ARHGAP20: variants seen among roughly 807,000 people sequenced by gnomAD.
ARHGAP20 encodes rho GTPase-activating protein 20.
A neutral mutation model predicts 73.7 loss-of-function variants in ARHGAP20; 34 were observed. The observed-to-expected ratio is 0.46, with a 90% CI of 0.35 to 0.61. ARHGAP20 has a LOEUF of 0.61. Among genes scored for constraint, ARHGAP20 ranks in the 20% least tolerant of loss-of-function variants. ARHGAP20 has a pLI of 0.00. For missense variants in ARHGAP20, 1,314 were observed against 1,420.9 expected (o/e 0.92, Z 1.21); for synonymous variants, 523 against 518.2 (o/e 1.01, Z -0.13).
chr11:110,673,389 A>G (rs1949868196), intron 2 of ARHGAP20, among the ~76,000 whole-genome samples: 1 of 152,170 alleles, frequency 6.6e-6, no homozygotes, highest in South Asian at 2.1e-4. Context: ...ACTCATAAAA[A>G]CTTAGCTACA....
chr11:110,687,385 A>G (rs1480888530), intron 2 of ARHGAP20, among the ~76,000 whole-genome samples: 4 of 152,100 alleles, frequency 2.6e-5, no homozygotes, highest in African/African-American at 9.7e-5. Context: ...TTGAAACAAA[A>G]CTCATCATAT....
At chr11:110,613,326 C>A (rs1591315577) in intron 6 of ARHGAP20, among the ~76,000 whole-genome samples, 2 of 152,322 alleles carry the variant, frequency 1.3e-5, no homozygotes, top group Admixed American at 6.5e-5. Context: ...GCTTCCCACA[C>A]ATGCACTCCT....
intron 8 of ARHGAP20, among the ~76,000 whole-genome samples, chr11:110,607,242 G>A (rs988136455): frequency 1.3e-5 from 2 of 152,058 alleles, no homozygotes; most frequent in Non-Finnish European, 2.9e-5. Context: ...CAAGATGTTT[G>A]CCTAAAAACA....
chr11:110,636,326 T>G (rs1368061316), intron 2 of ARHGAP20, among the ~76,000 whole-genome samples: 1 of 152,144 alleles, frequency 6.6e-6, no homozygotes, highest in African/African-American at 2.4e-5. Flanking sequence ...AAACAATACT[T>G]CCAAAACATT....
chr11:110,654,025 G>C (rs1949414482), intron 2 of ARHGAP20, among the ~76,000 whole-genome samples: 1 of 152,084 alleles, frequency 6.6e-6, no homozygotes, highest in Admixed American at 6.6e-5. Flanking sequence ...ACACAGGGAA[G>C]GGAACAACAT....
chr11:110,630,827 G>T lies in ARHGAP20; in HGVS notation c.189-35C>A, dbSNP rs374716269. 4 of 1,599,178 alleles carry T rather than the reference G, an allele frequency of 2.5e-6. No homozygotes were observed. The African/African-American group carries it at 4.0e-5, about 16-fold the overall frequency. ...ATCAAATGCCACAGATCAGTCAAAC[G>T]ATCATCTTATAGTTGGTCAAGAACT... On this transcript the variant is annotated intron_variant, in intron 2 of 14. Transcript: ENST00000683387.
rs1236776871 is a variant in ARHGAP20, at chr11:110,580,901, G to A, written c.2045C>T (p.Thr682Ile). 2 of 1,613,090 alleles carry A rather than the reference G, an allele frequency of 1.2e-6. No individual in the cohort carries two copies. Among genetic ancestry groups the A allele is most frequent in the Non-Finnish European group, 1.7e-6 (2 of 1,179,168 alleles). The change falls in exon 15 of 15, where the codon ACA becomes ATA. Residue 682 changes from threonine (T) to isoleucine (I), a missense_variant. By Grantham distance (89) the Thr-to-Ile change is moderately conservative (BLOSUM62 -1). This residue lies in a region of ARHGAP20 where 641 missense variants were observed against 636.9 expected (regional missense o/e 1.01). Transcript: ENST00000683387. ...TGCAGCTGTGGACAGGTAGCTGGGT[G>A]TGCACATGGCAGATGGGGCCCTGGC... is the stretch of plus-strand genomic sequence containing the variant. The part of the protein sequence containing the change: ...DHARAPSAMC[T>I]PSYLSTAAAN...
chr11:110,713,129 T>G (rs1321113291), upstream of ARHGAP20: 1 of 152,160 alleles, frequency 6.6e-6, no homozygotes, highest in Admixed American at 6.5e-5. Context: ...GAAAGAGCAA[T>G]GAAGGAAAAT....
In ARHGAP20 at chr11:110,581,897, G is replaced by A. The variant is rs73553935; in HGVS notation, c.1720+424C>T. Among the ~76,000 whole-genome samples the A allele has an allele frequency of 5.1e-3, 749 of 146,410 alleles. 6 individuals carry two copies. Among genetic ancestry groups the A allele is most frequent in the African/African-American group, 0.018 (710 of 39,214 alleles). ...TTTCATAGCACACTAGAATTCTGAC[G>A]TGTCTGAGGGACCAGTACAAGGAAG... On this transcript the variant is annotated intron_variant, in intron 14 of 14. Transcript: ENST00000683387.
At chr11:110,610,685 C>T (rs1395202270) in intron 7 of ARHGAP20, among the ~76,000 whole-genome samples, 4 of 152,138 alleles carry the variant, frequency 2.6e-5, no homozygotes, top group Non-Finnish European at 4.4e-5. Flanking sequence ...TCACCTCTAT[C>T]GCAGAAAACA....
chr11:110,613,295 T>C (rs1253070850), intron 6 of ARHGAP20, among the ~76,000 whole-genome samples: 1 of 152,230 alleles, frequency 6.6e-6, no homozygotes, highest in African/African-American at 2.4e-5. Flanking sequence ...TGTGTATAAC[T>C]AGACGGCAAA....
chr11:110,651,009 A>G (rs763307921), intron 2 of ARHGAP20, among the ~76,000 whole-genome samples: 30 of 152,328 alleles, frequency 2.0e-4, no homozygotes, highest in Non-Finnish European at 4.1e-4. Flanking sequence ...CTCCTCAGCA[A>G]ATGCAAAAGA....
chr11:110,669,759 T>C (rs1949792596), intron 2 of ARHGAP20, among the ~76,000 whole-genome samples: 8 of 152,172 alleles, frequency 5.3e-5, no homozygotes, highest in Admixed American at 5.2e-4. Flanking sequence ...TGGCAGTTCG[T>C]AATATATACA....
At chr11:110,670,465 A>G (rs1218918107) in intron 2 of ARHGAP20, among the ~76,000 whole-genome samples, 1 of 152,136 alleles carries the variant, frequency 6.6e-6, no homozygotes, top group Non-Finnish European at 1.5e-5. Context: ...ATTCACAACT[A>G]GGATGAAACA....
At chr11:110,675,168 CCAAT>C (rs1159056400) in intron 2 of ARHGAP20, among the ~76,000 whole-genome samples, 8 of 152,158 alleles carry the variant, frequency 5.3e-5, no homozygotes, top group African/African-American at 1.9e-4. Context: ...TGTCTGTCTT[CCAAT>C]CAGTTATTTG....
At position 110,580,917 on chromosome 11, in the gene ARHGAP20, G is replaced by A. The variant is rs1947445816; in HGVS notation, c.2029C>T (p.Pro677Ser). 5.0e-6 allele frequency: 8 copies of A among 1,613,518 alleles called. No homozygotes were observed. The highest frequency in any genetic ancestry group is 2.7e-5 in the African/African-American group (2 of 74,920). ...KIPLRDHARA[P>S]SAMCTPSYLS... is the part of the protein sequence containing the mutation. ...TAGCTGGGTGTGCACATGGCAGATG[G>A]GGCCCTGGCATGATCCCGCAGTGGG... Residue 677 changes from proline (P) to serine (S), a missense_variant, in exon 15 of 15, where the codon CCA (proline) becomes TCA (serine). Around this residue, in one of 3 missense-constraint regions of ARHGAP20, gnomAD observed 641 missense variants for 636.9 expected, o/e 1.01. Coordinates refer to ENST00000683387, the MANE Select transcript of ARHGAP20 (RefSeq NM_001384657.1).
In ARHGAP20 at chr11:110,606,842, G is replaced by C. The variant is rs369776782; in HGVS notation, c.776-93C>G. ...TAGGAATGTACTGCAATTTACTCCT[G>C]GGACTTTTGGCATAAAGAATCCCTT... is the stretch of plus-strand genomic sequence containing the variant. On this transcript the variant is annotated intron_variant, in intron 8 of 14. Coordinates refer to ENST00000683387, the MANE Select transcript of ARHGAP20 (RefSeq NM_001384657.1). The C allele has an allele frequency of 3.6e-6, 4 of 1,106,200 alleles. No individual in the cohort carries two copies. In the East Asian group the frequency reaches 1.1e-4, roughly 31 times the overall value. The allele number at this position is 1,106,200 out of a possible 1,614,324, so 68.5% of individuals were successfully genotyped here. A position where few individuals can be genotyped will look rare whatever the true frequency, so the allele number is the denominator to read the frequency against.
chr11:110,645,017 T>TCTC (rs1565455658), intron 2 of ARHGAP20, among the ~76,000 whole-genome samples: 3 of 59,998 alleles, frequency 5.0e-5, no homozygotes, highest in Non-Finnish European at 7.1e-5. Flanking sequence ...CTCTCTCTCT[T>TCTC]TTATTTTTTT....
chr11:110,581,334 C>CAAGA (rs1465794489), intron 14 of ARHGAP20, 109 bp from the exon 15 acceptor site: 4 of 1,163,330 alleles, frequency 3.4e-6, no homozygotes, highest in Non-Finnish European at 4.7e-6. Flanking sequence ...TTCCTACTCT[C>CAAGA]AAGAAAGAGA....
Sources: allele counts gnomAD v4.1 joint callset (sites outside exome capture counted in the v4.1 genomes callset), GRCh38; gene constraint gnomAD v4.1.1; regional missense constraint gnomAD v4.1.1; transcripts MANE v1.5; gene names NCBI Gene and HGNC (gene_info 2026-07-23, HGNC 2026-07-21).